Variants in MCPH1 observed in about 807,000 individuals in gnomAD.
MCPH1 encodes microcephalin.
A neutral mutation model predicts 84.5 loss-of-function variants in MCPH1; 104 were observed. The ratio of observed to expected loss-of-function variants is 1.23; its 90% CI spans 1.05 to 1.45. The LOEUF (loss-of-function observed/expected upper bound fraction) is 1.45, where lower values mean the gene tolerates loss of function less well. MCPH1 is among the 40% of genes most tolerant of loss of function. MCPH1 has a pLI of 0.00. For synonymous variants in MCPH1, 514 were observed against 366.8 expected, an observed-to-expected ratio of 1.40 and a Z score of -4.58; for missense variants, 1,498 against 1,005.7, an observed-to-expected ratio of 1.49 and a Z score of -6.62.
intron 12 of MCPH1, among the ~76,000 whole-genome samples, chr8:6,539,036 TG>T (rs1821020790): frequency 6.6e-6 from 1 of 151,926 alleles, no homozygotes; most frequent in Non-Finnish European, 1.5e-5. Context: ...GGCTTGTGTG[TG>T]TGTGTGTGTG....
intron 4 of MCPH1, among the ~76,000 whole-genome samples, chr8:6,432,272 A>G (rs1225174812): frequency 6.6e-6 from 1 of 152,218 alleles, no homozygotes; most frequent in Non-Finnish European, 1.5e-5. Flanking sequence ...GGCTCCTCCC[A>G]TGTACTTTAA....
intron 11 of MCPH1, among the ~76,000 whole-genome samples, chr8:6,495,020 G>A (rs536695975): frequency 6.6e-6 from 1 of 152,304 alleles, no homozygotes; most frequent in African/African-American, 2.4e-5. Context: ...ATTTCTTGAT[G>A]TTATGAGATG....
At chr8:6,423,862 C>G (rs957934365) in intron 3 of MCPH1, among the ~76,000 whole-genome samples, 1 of 152,158 alleles carries the variant, frequency 6.6e-6, no homozygotes, top group African/African-American at 2.4e-5. Flanking sequence ...TGTGAGTTAT[C>G]AGTTCTTCTT....
intron 3 of MCPH1, among the ~76,000 whole-genome samples, chr8:6,418,364 C>T (rs146695150): frequency 3.0e-4 from 45 of 152,222 alleles, no homozygotes; most frequent in African/African-American, 1.1e-3. Flanking sequence ...TATTTCCCTC[C>T]AGCTTTCAAA....
intron 11 of MCPH1, among the ~76,000 whole-genome samples, chr8:6,488,273 G>T (rs947515076): frequency 1.3e-5 from 2 of 152,204 alleles, no homozygotes; most frequent in African/African-American, 4.8e-5. Flanking sequence ...GGTTGGAGCC[G>T]CTGTGCTTCC....
intron 11 of MCPH1, among the ~76,000 whole-genome samples, chr8:6,487,958 A>G (rs577448343): frequency 6.6e-6 from 1 of 152,246 alleles, no homozygotes; most frequent in Non-Finnish European, 1.5e-5. Context: ...CATCTCTGTC[A>G]AGGCATTGTT....
At position 6,413,540 on chromosome 8, in the gene MCPH1, C is replaced by T. The variant is rs373917082; in HGVS notation, c.115-1225C>T. Among the ~76,000 whole-genome samples, 27 of 151,866 alleles carry T rather than the reference C, an allele frequency of 1.8e-4. No homozygotes were observed. The East Asian group carries it at 3.5e-3, about 20-fold the overall frequency. On this transcript the variant is annotated intron_variant, in intron 2 of 13. Transcript: ENST00000344683. The stretch of plus-strand genomic sequence containing the variant: ...AACTTCTGTTGATTGGCTGTTGGAT[C>T]TCCTGGTCTGAGCTTCTGATGTTCT...
chr8:6,492,648 ATAT>A (rs1326516489), intron 11 of MCPH1, among the ~76,000 whole-genome samples: 2 of 148,124 alleles, frequency 1.4e-5, no homozygotes, highest in Admixed American at 6.8e-5. Context: ...AATAATATTA[ATAT>A]TAAATAGTTA....
intron 12 of MCPH1, among the ~76,000 whole-genome samples, chr8:6,543,967 G>C (rs1822076200): frequency 6.6e-6 from 1 of 152,134 alleles, no homozygotes. Context: ...AATCTTTAAA[G>C]TTGCAATATA....
At chr8:6,468,633 G>A (rs1156968763) in intron 9 of MCPH1, among the ~76,000 whole-genome samples, 4 of 142,982 alleles carry the variant, frequency 2.8e-5, no homozygotes, top group Non-Finnish European at 6.0e-5. Flanking sequence ...CTACTTGGAT[G>A]TACATTTTTT....
At chr8:6,528,670 C>T (rs1818851447) in intron 12 of MCPH1, among the ~76,000 whole-genome samples, 1 of 152,244 alleles carries the variant, frequency 6.6e-6, no homozygotes, top group Non-Finnish European at 1.5e-5. Context: ...TGCCCTTCAG[C>T]AGGAAGAATC....
intron 1 of MCPH1, among the ~76,000 whole-genome samples, chr8:6,408,936 A>G (rs1411543775): frequency 1.3e-5 from 2 of 149,916 alleles, no homozygotes; most frequent in Non-Finnish European, 3.0e-5. Context: ...CCCAGGCTGG[A>G]GTGCAATGGC....
chr8:6,429,580 CTT>C (rs1362868178), intron 3 of MCPH1, among the ~76,000 whole-genome samples: 5 of 151,700 alleles, frequency 3.3e-5, no homozygotes, highest in Non-Finnish European at 5.9e-5. Flanking sequence ...CTTATCTACT[CTT>C]TATTTTTGTT....
At position 6,554,885 on chromosome 8, in the gene MCPH1, A is replaced by G. The variant is rs73507174; in HGVS notation, c.2214+54956A>G. On this transcript the variant is annotated intron_variant, in intron 12 of 13. Transcript: ENST00000344683. ...TCTCAGGAGTTTTTTAATAGGTTTC[A>G]CATCTTTTGTCAAGTGGTGCAAGGA... Among the ~76,000 whole-genome samples the G allele has an allele frequency of 5.9e-3, 891 of 152,296 alleles. 9 individuals carry two copies. The highest frequency in any genetic ancestry group is 0.02 in the African/African-American group (833 of 41,560).
intron 12 of MCPH1, among the ~76,000 whole-genome samples, chr8:6,612,745 C>G (rs1343020791): frequency 6.6e-6 from 1 of 152,246 alleles, no homozygotes; most frequent in African/African-American, 2.4e-5. Context: ...CTTTCCATGT[C>G]CTGCTCCTTC....
At position 6,445,258 on chromosome 8, in the gene MCPH1, G is replaced by C. The variant is rs865939863; in HGVS notation, c.1536G>C (p.Gln512His). The C allele has an allele frequency of 5.0e-6, 8 of 1,614,078 alleles. No homozygotes were observed. The highest frequency in any genetic ancestry group is 6.8e-6 in the Non-Finnish European group (8 of 1,180,040). The change falls in exon 8 of 14, where the codon CAG becomes CAC. Residue 512 changes from glutamine (Q) to histidine (H), a missense_variant. Physicochemically the swap from Gln to His is conservative, Grantham distance 24 (BLOSUM62 0). Coordinates refer to ENST00000344683, the MANE Select transcript of MCPH1 (RefSeq NM_024596.5). The stretch of plus-strand genomic sequence containing the variant: ...AAGAAGCCCTAAGGTGTTGTAGACA[G>C]GCTGGGAAAGAAGACGCATGCCCAG... ...APEEALRCCR[Q>H]AGKEDACPEG...
chr8:6,590,094 G>C (rs192121688), intron 12 of MCPH1, among the ~76,000 whole-genome samples: 1 of 152,164 alleles, frequency 6.6e-6, no homozygotes, highest in African/African-American at 2.4e-5. Context: ...GGGGGAGTGA[G>C]GAACATTTGG....
chr8:6,550,735 T>G (rs893006126), intron 12 of MCPH1, among the ~76,000 whole-genome samples: 1 of 152,228 alleles, frequency 6.6e-6, no homozygotes, highest in Non-Finnish European at 1.5e-5. Context: ...TATCAGAGTT[T>G]TGCGGCCTGT....
At chr8:6,609,080 G>A (rs560060503) in intron 12 of MCPH1, among the ~76,000 whole-genome samples, 25 of 152,250 alleles carry the variant, frequency 1.6e-4, no homozygotes, top group Admixed American at 2.6e-4. Context: ...ACCTGCTTTC[G>A]TGTTATTATA....
Sources: gnomAD v4.1 joint callset for allele counts (sites outside exome capture counted in the v4.1 genomes callset) on GRCh38, gnomAD v4.1.1 for gene constraint, MANE v1.5 for transcripts, NCBI Gene and HGNC (gene_info 2026-07-23, HGNC 2026-07-21) for gene names.